Variants in CHL1 observed in about 807,000 individuals in gnomAD.
CHL1 encodes the protein cell adhesion molecule L1 like.
In CHL1, 96 loss-of-function variants were observed where a neutral mutation model predicts 141.9. That is an observed-to-expected ratio of 0.68 (90% CI 0.57 to 0.80). The LOEUF (loss-of-function observed/expected upper bound fraction) is 0.80, where lower values mean the gene tolerates loss of function less well. CHL1 is among the 30% of genes least tolerant of loss of function. CHL1 has a pLI of 0.00. For synonymous variants in CHL1, 613 were observed against 502.2 expected (o/e 1.22, Z -2.95); for missense variants, 1,820 against 1,457.2 (o/e 1.25, Z -4.05).
chr3:389,657 G>C (rs985368457), intron 20 of CHL1, among the ~76,000 whole-genome samples, 183 bp downstream of exon 20: 5 of 152,220 alleles, frequency 3.3e-5, no homozygotes, highest in African/African-American at 1.2e-4. Context: ...ACAGTTGATC[G>C]TATAGAGTAC....
intron 2 of CHL1, among the ~76,000 whole-genome samples, chr3:272,355 T>G (rs1237434617): frequency 6.6e-6 from 1 of 152,240 alleles, no homozygotes; most frequent in African/African-American, 2.4e-5. Context: ...GCATAGATTT[T>G]ATAGTCTTTT....
intron 1 of CHL1, among the ~76,000 whole-genome samples, chr3:220,593 C>T (rs1700745741): frequency 6.6e-6 from 1 of 152,044 alleles, no homozygotes; most frequent in South Asian, 2.1e-4. Flanking sequence ...GAAGTCCTCA[C>T]ATTCAAAGGA....
At position 230,590 on chromosome 3, in the gene CHL1, C is replaced by A. The variant is rs1701773129; in HGVS notation, c.-174-14023C>A. On this transcript the variant is annotated intron_variant, in intron 1 of 27. Coordinates refer to ENST00000256509, the MANE Select transcript of CHL1 (RefSeq NM_006614.4). ...CACAATACTTGGGTGCCACACTTGA[C>A]CTTTGTCACTTGTTATGTATGACAC... 3.3e-5 allele frequency among the ~76,000 whole-genome samples: 5 copies of A among 151,934 alleles called. No homozygotes were observed. The South Asian group carries it at 1.0e-3, about 32-fold the overall frequency.
chr3:405,154 C>T lies in CHL1; in HGVS notation c.3459-341C>T, dbSNP rs375117045. On this transcript the variant is annotated intron_variant, in intron 27 of 27. Coordinates refer to ENST00000256509, the MANE Select transcript of CHL1 (RefSeq NM_006614.4). ...TTTTAACATAGGAAGCTTGGGAGGA[C>T]ACAGATATTCAGACCATAGCAGCCA... Among the ~76,000 whole-genome samples the T allele has an allele frequency of 9.2e-5, 14 of 152,268 alleles. No homozygotes were observed. In the South Asian group the frequency reaches 2.7e-3, roughly 29 times the overall value.
rs775477764 is a variant in CHL1, at chr3:361,803, G to A, written c.1411G>A (p.Val471Met). The A allele has an allele frequency of 9.8e-5, 157 of 1,606,688 alleles. No individual in the cohort carries two copies. The highest frequency in any genetic ancestry group is 1.2e-4 in the Non-Finnish European group (145 of 1,173,494). The change falls in exon 13 of 28, where the codon GTG becomes ATG. Residue 471 changes from valine to methionine, a missense_variant. Val to Met is a conservative substitution (Grantham distance 21). Transcript: ENST00000256509. ...CEFFASPEAV[V>M]SWQKVEEVKP... ...GTTCTTTGCTTCACCTGAGGCAGTCGTGTCCTGGTAAGCCGGTGGCTCATG... is the reference window on the plus strand; with the variant it reads ...GTTCTTTGCTTCACCTGAGGCAGTCATGTCCTGGTAAGCCGGTGGCTCATG...
Position 382,690 on chromosome 3 carries a change from C to A in CHL1, c.2176+19C>A. 6.2e-7 allele frequency: 1 copy of A among 1,604,232 alleles called. No individual in the cohort carries two copies. Among genetic ancestry groups the A allele is most frequent in the Non-Finnish European group, 8.5e-7 (1 of 1,171,382 alleles). On this transcript the variant is annotated intron_variant, in intron 18 of 27. Transcript: ENST00000256509. ...CCAGCAGGTATGCAGGTTCTCACATCAGGTTTCTAACAAAATATTTGTTTG... is the reference window on the plus strand; with the variant it reads ...CCAGCAGGTATGCAGGTTCTCACATAAGGTTTCTAACAAAATATTTGTTTG...
intron 1 of CHL1, among the ~76,000 whole-genome samples, chr3:219,479 C>T (rs1331656787): frequency 6.6e-6 from 1 of 152,178 alleles, no homozygotes; most frequent in African/African-American, 2.4e-5. Flanking sequence ...AAATGTAGTA[C>T]ATATGCACCA....
Position 390,721 on chromosome 3 carries a change from A to G in CHL1, c.2491A>G (p.Ile831Val), listed in dbSNP as rs374112825. The change falls in exon 21 of 28, where the codon ATC (isoleucine) becomes GTC (valine). Residue 831 changes from isoleucine to valine, a missense_variant. Transcript: ENST00000256509. ...GEDYPDTAPV[I>V]HGVDVINSTL... ...AACAGATCCTGATACAGCTCCAGTG[A>G]TCCATGGGGTGGACGTTATAAACAG... 3 of 1,598,624 alleles carry G rather than the reference A, an allele frequency of 1.9e-6. No homozygotes were observed. The highest frequency in any genetic ancestry group is 2.6e-6 in the Non-Finnish European group (3 of 1,166,010).
In CHL1 at chr3:276,611, T is replaced by G. The variant is rs13081885; in HGVS notation, c.-95+31919T>G. ...AGTTCAAGAGTATGGGCTCTGGGGC[T>G]GGGCACGGTGGCTCACACCTGTAAT... On this transcript the variant is annotated intron_variant, in intron 2 of 27. Transcript: ENST00000256509. 2.0e-5 allele frequency among the ~76,000 whole-genome samples: 3 copies of G among 151,400 alleles called. 1 individual carries two copies. In the South Asian group the frequency reaches 6.3e-4, roughly 32 times the overall value.
At chr3:285,713 C>T (rs528826638) in intron 2 of CHL1, among the ~76,000 whole-genome samples, 2 of 152,238 alleles carry the variant, frequency 1.3e-5, no homozygotes, top group East Asian at 1.9e-4. Context: ...ATAATATGCA[C>T]ATTACATAGC....
chr3:290,950 G>A (rs1208948280), intron 2 of CHL1, among the ~76,000 whole-genome samples: 1 of 147,436 alleles, frequency 6.8e-6, no homozygotes, highest in Non-Finnish European at 1.5e-5. Context: ...AAAAAAAAAA[G>A]AAAGAAAGAA....
intron 1 of CHL1, among the ~76,000 whole-genome samples, chr3:198,398 G>T (rs1698597554): frequency 6.6e-6 from 1 of 152,122 alleles, no homozygotes; most frequent in South Asian, 2.1e-4. Flanking sequence ...TTGCGCGTGC[G>T]CGTGGCGATG....
chr3:387,049 A>G (rs748316773), intron 19 of CHL1, among the ~76,000 whole-genome samples: 7 of 152,214 alleles, frequency 4.6e-5, no homozygotes, highest in Non-Finnish European at 8.8e-5. Context: ...ATGTTCAACA[A>G]TTTTTTAAAA....
intron 10 of CHL1, among the ~76,000 whole-genome samples, chr3:352,404 T>C (rs2125214629): frequency 6.6e-6 from 1 of 152,312 alleles, no homozygotes; most frequent in East Asian, 1.9e-4. Flanking sequence ...TTTAGCTTGC[T>C]TAATATATAG....
intron 4 of CHL1, among the ~76,000 whole-genome samples, chr3:327,890 T>C: frequency 6.6e-6 from 1 of 151,908 alleles, no homozygotes; most frequent in East Asian, 1.9e-4. Context: ...ATAATAATCT[T>C]GTATTACCTT....
intron 2 of CHL1, among the ~76,000 whole-genome samples, chr3:290,268 C>G (rs1697563767): frequency 6.6e-6 from 1 of 152,122 alleles, no homozygotes; most frequent in Admixed American, 6.5e-5. Context: ...CTTTGTTCAA[C>G]CTCAGCTGGC....
At position 339,647 on chromosome 3, in the gene CHL1, A is replaced by G. The variant is rs116644110; in HGVS notation, c.386-1147A>G. 2.6e-3 allele frequency among the ~76,000 whole-genome samples: 391 copies of G among 152,312 alleles called. 3 individuals are homozygous for G. The highest frequency in any genetic ancestry group is 8.6e-3 in the African/African-American group (356 of 41,568). Reference sequence around the variant, plus strand: ...GGTCCTTGAATTTAGACAAAAAGCAATTCACTGTAACCAGCTGGTGCATCG... The same window carrying G: ...GGTCCTTGAATTTAGACAAAAAGCAGTTCACTGTAACCAGCTGGTGCATCG... On this transcript the variant is annotated intron_variant, in intron 5 of 27. Transcript: ENST00000256509.
chr3:404,808 CTCTG>C (rs1709405348), intron 27 of CHL1, among the ~76,000 whole-genome samples: 1 of 152,122 alleles, frequency 6.6e-6, no homozygotes, highest in Non-Finnish European at 1.5e-5. Context: ...TGCATTTGTT[CTCTG>C]TCTGAGTCCA....
At chr3:250,866 G>A (rs1268592162) in intron 2 of CHL1, among the ~76,000 whole-genome samples, 1 of 152,068 alleles carries the variant, frequency 6.6e-6, no homozygotes, top group African/African-American at 2.4e-5. Flanking sequence ...ATTATAGGGT[G>A]CCCTATTAGT....
Sources: allele counts gnomAD v4.1 joint callset (sites outside exome capture counted in the v4.1 genomes callset), GRCh38; gene constraint gnomAD v4.1.1; transcripts MANE v1.5; gene names NCBI Gene and HGNC (gene_info 2026-07-23, HGNC 2026-07-21).